The following ZBTB20 variants were observed in gnomAD, a reference collection of about 807,000 sequenced individuals.
ZBTB20 encodes zinc finger and BTB domain-containing protein 20.
In ZBTB20, 9 loss-of-function variants were observed where a neutral mutation model predicts 56.9. The ratio of observed to expected loss-of-function variants is 0.16; its 90% confidence interval spans 0.10 to 0.28. The LOEUF (loss-of-function observed/expected upper bound fraction) is 0.28. Ranked by LOEUF, ZBTB20 falls within the 10% of genes least tolerant of loss-of-function variation. ZBTB20 has a pLI of 1.00. For missense variants in ZBTB20, 655 were observed against 1,003.0 expected (o/e 0.65, Z 4.69); for synonymous variants, 417 against 420.7 (o/e 0.99, Z 0.11).
intron 4 of ZBTB20, among the ~76,000 whole-genome samples, chr3:114,897,539 C>T (rs1217630227): frequency 6.6e-6 from 1 of 152,106 alleles, no homozygotes; most frequent in African/African-American, 2.4e-5. Context: ...CTTTGAGATT[C>T]CAGGCTAATT....
chr3:114,908,742 T>C (rs539016745), intron 3 of ZBTB20, among the ~76,000 whole-genome samples: 3 of 151,770 alleles, frequency 2.0e-5, no homozygotes, highest in Non-Finnish European at 4.4e-5. Context: ...AAAGAAACTA[T>C]GAAAAAGGCA....
chr3:114,658,540 T>C (rs1195034722), intron 6 of ZBTB20: 2 of 152,190 alleles, frequency 1.3e-5, no homozygotes, highest in Non-Finnish European at 2.9e-5. Context: ...CATCATTTTT[T>C]CTAAGAATAT....
intron 11 of ZBTB20, among the ~76,000 whole-genome samples, chr3:114,349,197 C>G (rs2080436474): frequency 4.9e-5 from 1 of 20,306 alleles, no homozygotes. Flanking sequence ...GAGACCCTGT[C>G]TCAAAAAAAA....
chr3:114,749,437 TG>T (rs1236089626), intron 5 of ZBTB20, among the ~76,000 whole-genome samples: 1 of 151,888 alleles, frequency 6.6e-6, no homozygotes, highest in Non-Finnish European at 1.5e-5. Context: ...CCTGTAATCC[TG>T]GCTACTTGGG....
intron 3 of ZBTB20, among the ~76,000 whole-genome samples, chr3:114,908,156 C>T (rs974977988): frequency 8.6e-5 from 13 of 151,790 alleles, no homozygotes; most frequent in Admixed American, 2.6e-4. Context: ...TAAAGGTATA[C>T]GAAAGGCATT....
chr3:114,756,785 TTGAG>T (rs1262521174), intron 5 of ZBTB20, among the ~76,000 whole-genome samples: 1 of 152,164 alleles, frequency 6.6e-6, no homozygotes, highest in Non-Finnish European at 1.5e-5. Flanking sequence ...AGAACTCTAA[TTGAG>T]TATTAGACAT....
intron 7 of ZBTB20, among the ~76,000 whole-genome samples, chr3:114,469,659 A>G (rs2039898500): frequency 6.6e-6 from 1 of 152,216 alleles, no homozygotes; most frequent in Non-Finnish European, 1.5e-5. Flanking sequence ...GCTGAGTTCT[A>G]GCATGCCAAG....
intron 6 of ZBTB20, among the ~76,000 whole-genome samples, chr3:114,648,888 T>G (rs2059984175): frequency 6.6e-6 from 1 of 152,042 alleles, no homozygotes; most frequent in Non-Finnish European, 1.5e-5. Flanking sequence ...TTATTCTAGC[T>G]TCTACTCTTT....
intron 1 of ZBTB20, among the ~76,000 whole-genome samples, chr3:115,133,285 C>G (rs1560597539): frequency 6.6e-6 from 1 of 152,130 alleles, no homozygotes; most frequent in Non-Finnish European, 1.5e-5. Context: ...CAGCTACATT[C>G]TTATTTAACA....
At chr3:114,625,123 C>G (rs1454940914) in intron 6 of ZBTB20, among the ~76,000 whole-genome samples, 1 of 151,916 alleles carries the variant, frequency 6.6e-6, no homozygotes, top group Non-Finnish European at 1.5e-5. Flanking sequence ...GTCTAGATGG[C>G]AGGGCTCTGT....
intron 2 of ZBTB20, among the ~76,000 whole-genome samples, chr3:115,010,282 GT>G (rs2079645535): frequency 6.6e-6 from 1 of 151,942 alleles, no homozygotes. Context: ...AATATAGGCA[GT>G]AGCCAGGGAG....
At chr3:114,568,409 A>C (rs568128765) in intron 6 of ZBTB20, among the ~76,000 whole-genome samples, 1 of 152,362 alleles carries the variant, frequency 6.6e-6, no homozygotes, top group Admixed American at 6.5e-5. Context: ...GTACACTTGC[A>C]TAAAAACTAT....
At chr3:114,638,680 A>G (rs2107893745) in intron 6 of ZBTB20, among the ~76,000 whole-genome samples, 1 of 152,198 alleles carries the variant, frequency 6.6e-6, no homozygotes, top group East Asian at 1.9e-4. Context: ...AATTTGGATT[A>G]GTATCAGAAA....
chr3:114,440,672 T>C (rs1040349050), intron 7 of ZBTB20, among the ~76,000 whole-genome samples: 2 of 152,152 alleles, frequency 1.3e-5, no homozygotes, highest in Non-Finnish European at 2.9e-5. Context: ...CTGGGACAGT[T>C]TATTTGAATT....
intron 4 of ZBTB20, among the ~76,000 whole-genome samples, chr3:114,859,911 A>C (rs1260050024): frequency 2.6e-5 from 4 of 152,198 alleles, no homozygotes; most frequent in Non-Finnish European, 5.9e-5. Flanking sequence ...TTGAACAACA[A>C]AACAGAATAA....
At chr3:114,612,403 G>C (rs2057629251) in intron 6 of ZBTB20, among the ~76,000 whole-genome samples, 2 of 152,074 alleles carry the variant, frequency 1.3e-5, no homozygotes, top group Admixed American at 1.3e-4. Flanking sequence ...GTTTCTGATA[G>C]TAACATTATT....
chr3:114,529,460 G>T (rs1393263242), intron 6 of ZBTB20: 1 of 152,142 alleles, frequency 6.6e-6, no homozygotes, highest in African/African-American at 2.4e-5. Flanking sequence ...GCAGAAATTT[G>T]TTCTCTCTCC....
chr3:115,141,113 CTG>C (rs918164636), intron 1 of ZBTB20, among the ~76,000 whole-genome samples: 6 of 152,150 alleles, frequency 3.9e-5, no homozygotes, highest in African/African-American at 1.4e-4. Context: ...TGAAAACAGA[CTG>C]TTGGCCCAAA....
At chr3:114,442,013 G>T (rs1015605209) in intron 7 of ZBTB20, among the ~76,000 whole-genome samples, 1 of 152,130 alleles carries the variant, frequency 6.6e-6, no homozygotes, top group African/African-American at 2.4e-5. Flanking sequence ...TCCAAAGCTC[G>T]TGTTTGGTGG....
Sources: allele counts gnomAD v4.1 joint callset (sites outside exome capture counted in the v4.1 genomes callset), GRCh38; gene constraint gnomAD v4.1.1; transcripts MANE v1.5; gene names NCBI Gene and HGNC (gene_info 2026-07-23, HGNC 2026-07-21).